AGBL4: variants seen among roughly 807,000 people sequenced by gnomAD.
AGBL4 encodes the protein cytosolic carboxypeptidase 6.
In AGBL4, 58 loss-of-function variants were observed where a neutral mutation model predicts 66.4. That is an observed-to-expected ratio of 0.87 (90% CI 0.71 to 1.09). The LOEUF is 1.09. Ranked by LOEUF, AGBL4 falls within the 50% of genes least tolerant of loss-of-function variation. AGBL4 has a pLI of 0.00. For missense variants in AGBL4, 579 were observed against 631.0 expected (o/e 0.92, Z 0.88); for synonymous variants, 234 against 222.9 (o/e 1.05, Z -0.44).
At chr1:49,133,952 G>A (rs920483699) in intron 4 of AGBL4, among the ~76,000 whole-genome samples, 14 of 151,732 alleles carry the variant, frequency 9.2e-5, no homozygotes, top group African/African-American at 2.2e-4. Context: ...TGTATCGGGC[G>A]AACCAGCCCC....
chr1:48,670,376 A>G (rs1176928601), intron 6 of AGBL4, among the ~76,000 whole-genome samples: 1 of 152,234 alleles, frequency 6.6e-6, no homozygotes, highest in Non-Finnish European at 1.5e-5. Flanking sequence ...TAGTCCAGGC[A>G]GGTAGCAGCC....
At chr1:49,359,957 G>T (rs1644103712) in intron 3 of AGBL4, among the ~76,000 whole-genome samples, 1 of 152,152 alleles carries the variant, frequency 6.6e-6, no homozygotes, top group Admixed American at 6.5e-5. Context: ...CCCTTGATAT[G>T]ATGATGGCTC....
intron 3 of AGBL4, among the ~76,000 whole-genome samples, chr1:49,561,255 A>C (rs905173647): frequency 6.6e-6 from 1 of 151,890 alleles, no homozygotes; most frequent in African/African-American, 2.4e-5. Flanking sequence ...TTTTTAAAAA[A>C]AATTGTATAT....
chr1:49,468,303 C>G (rs1360315734), intron 3 of AGBL4, among the ~76,000 whole-genome samples: 2 of 151,808 alleles, frequency 1.3e-5, no homozygotes, highest in African/African-American at 4.8e-5. Flanking sequence ...ACAACCAACT[C>G]TAGTCCTGGA....
intron 3 of AGBL4, among the ~76,000 whole-genome samples, chr1:49,450,197 G>A (rs1394033229): frequency 6.6e-6 from 1 of 152,054 alleles, no homozygotes; most frequent in African/African-American, 2.4e-5. Flanking sequence ...GATGAGTTTA[G>A]AAAAATCTAA....
intron 1 of AGBL4, among the ~76,000 whole-genome samples, chr1:49,894,987 C>T (rs1012842039): frequency 3.3e-5 from 5 of 151,770 alleles, no homozygotes; most frequent in Admixed American, 1.3e-4. Context: ...CCAAAGGTCA[C>T]GAATAAAGGA....
chr1:49,030,866 G>A (rs1021122001), intron 5 of AGBL4, among the ~76,000 whole-genome samples: 2 of 149,776 alleles, frequency 1.3e-5, no homozygotes, highest in East Asian at 3.9e-4. Flanking sequence ...TGGATCAATC[G>A]GACTTCATCA....
intron 5 of AGBL4, among the ~76,000 whole-genome samples, chr1:49,011,342 C>T (rs1293086795): frequency 6.6e-6 from 1 of 151,442 alleles, no homozygotes; most frequent in Non-Finnish European, 1.5e-5. Flanking sequence ...TACCATCTCA[C>T]ACCAGTTAGA....
intron 9 of AGBL4, among the ~76,000 whole-genome samples, chr1:48,598,368 C>T (rs12044476): frequency 6.6e-6 from 1 of 152,250 alleles, no homozygotes; most frequent in East Asian, 1.9e-4. Flanking sequence ...GTGTGACCAT[C>T]ATAGAGTGTA....
At chr1:49,988,953 C>T (rs567034183) in intron 1 of AGBL4, among the ~76,000 whole-genome samples, 1 of 152,260 alleles carries the variant, frequency 6.6e-6, no homozygotes, top group East Asian at 1.9e-4. Flanking sequence ...CCAGATAACA[C>T]CATTAAACTG....
chr1:49,986,529 CTAGCAG>C lies in AGBL4; in HGVS notation c.34+37228_34+37233del, dbSNP rs1217424783. Among the ~76,000 whole-genome samples the C allele has an allele frequency of 2.6e-5, 4 of 151,960 alleles. No individual in the cohort carries two copies. The East Asian group carries it at 7.7e-4, about 29-fold the overall frequency. ...ACATATTCAGAGGAAGTACATATAC[CTAGCAG>C]TAGGTCATAGAGCATGCATATGCCC... On this transcript the variant is annotated intron_variant, in intron 1 of 13. Transcript: ENST00000371839.
intron 6 of AGBL4, among the ~76,000 whole-genome samples, chr1:48,835,040 A>G (rs1040654105): frequency 1.3e-5 from 2 of 152,162 alleles, no homozygotes; most frequent in Non-Finnish European, 2.9e-5. Flanking sequence ...GCTGTCTATC[A>G]TAGACCCCAG....
chr1:49,741,139 T>C (rs574237165), intron 2 of AGBL4, among the ~76,000 whole-genome samples: 4 of 151,850 alleles, frequency 2.6e-5, no homozygotes, highest in East Asian at 3.9e-4. Flanking sequence ...ATCAACAAAA[T>C]TGATAGACCG....
chr1:49,737,439 C>G lies in AGBL4; in HGVS notation c.158-40002G>C, dbSNP rs1338819694. Among the ~76,000 whole-genome samples, 6 of 152,140 alleles carry G rather than the reference C, an allele frequency of 3.9e-5. No individual in the cohort carries two copies. In the East Asian group the frequency reaches 1.2e-3, roughly 29 times the overall value. ...AGTGAACTAACACAGAAACAGAAACCAAAAACAGTATTTTTCACTTATAAG... is the reference window on the plus strand; with the variant it reads ...AGTGAACTAACACAGAAACAGAAACGAAAAACAGTATTTTTCACTTATAAG... On this transcript the variant is annotated intron_variant, in intron 2 of 13. Coordinates refer to ENST00000371839, the MANE Select transcript of AGBL4 (RefSeq NM_032785.4).
intron 5 of AGBL4, among the ~76,000 whole-genome samples, chr1:49,024,365 C>G (rs1210058625): frequency 6.6e-6 from 1 of 151,790 alleles, no homozygotes; most frequent in African/African-American, 2.4e-5. Context: ...ATGCTCTCAC[C>G]CATTATATAC....
At chr1:48,845,868 A>C (rs1646897667) in intron 6 of AGBL4, among the ~76,000 whole-genome samples, 1 of 152,214 alleles carries the variant, frequency 6.6e-6, no homozygotes, top group Non-Finnish European at 1.5e-5. Flanking sequence ...TAATCATATA[A>C]GTTTTTGTGA....
intron 5 of AGBL4, among the ~76,000 whole-genome samples, chr1:49,019,741 T>C (rs1412410220): frequency 6.6e-6 from 1 of 152,238 alleles, no homozygotes; most frequent in Non-Finnish European, 1.5e-5. Context: ...CCAGGCAACA[T>C]GGCAGCTGCT....
chr1:49,203,606 G>A (rs1290734479), intron 4 of AGBL4, among the ~76,000 whole-genome samples: 1 of 152,138 alleles, frequency 6.6e-6, no homozygotes, highest in Non-Finnish European at 1.5e-5. Context: ...GTCAGGGGCT[G>A]AAGGGAGGGG....
chr1:49,595,682 A>G (rs1644839197), intron 3 of AGBL4, among the ~76,000 whole-genome samples: 1 of 152,092 alleles, frequency 6.6e-6, no homozygotes. Flanking sequence ...CCAAGCTTGA[A>G]ATGCAATTAT....
Sources: allele counts gnomAD v4.1 joint callset (sites outside exome capture counted in the v4.1 genomes callset), GRCh38; gene constraint gnomAD v4.1.1; transcripts MANE v1.5; gene names NCBI Gene and HGNC (gene_info 2026-07-23, HGNC 2026-07-21).